Variants in LCA5 observed in about 807,000 individuals in gnomAD.
LCA5 encodes lebercilin.
LCA5 carries 37 observed loss-of-function variants against 53.0 expected under a neutral mutation model. The ratio of observed to expected loss-of-function variants is 0.70; its 90% CI spans 0.54 to 0.92. The LOEUF (loss-of-function observed/expected upper bound fraction) is 0.92, where lower values mean the gene tolerates loss of function less well. Among genes scored for constraint, LCA5 ranks in the 40% least tolerant of loss-of-function variants. LCA5 has a pLI of 0.00. For missense variants in LCA5, 806 were observed against 790.5 expected (o/e 1.02, Z -0.23); for synonymous variants, 303 against 282.9 (o/e 1.07, Z -0.71).
chr6:79,527,350 A>AT (rs1253923367), intron 1 of LCA5, among the ~76,000 whole-genome samples: 1 of 152,210 alleles, frequency 6.6e-6, no homozygotes, highest in African/African-American at 2.4e-5. Context: ...ATGGGCTACT[A>AT]TACAAAAAGC....
intron 2 of LCA5, among the ~76,000 whole-genome samples, chr6:79,515,901 C>T (rs914249014): frequency 6.6e-6 from 1 of 151,958 alleles, no homozygotes; most frequent in Non-Finnish European, 1.5e-5. Flanking sequence ...TTAATTATTG[C>T]AACTTTGAAA....
At chr6:79,522,730 A>G (rs1370885674) in intron 1 of LCA5, among the ~76,000 whole-genome samples, 1 of 152,130 alleles carries the variant, frequency 6.6e-6, no homozygotes, top group Non-Finnish European at 1.5e-5. Flanking sequence ...TCTGTTGCCT[A>G]GACTGGAGTG....
intron 1 of LCA5, among the ~76,000 whole-genome samples, chr6:79,535,076 C>T (rs1767071537): frequency 6.6e-6 from 1 of 152,062 alleles, no homozygotes; most frequent in Non-Finnish European, 1.5e-5. Flanking sequence ...CTTAAAAATA[C>T]ATTAAAATTT....
chr6:79,517,433 G>A (rs560843684), intron 2 of LCA5, among the ~76,000 whole-genome samples: 1 of 151,994 alleles, frequency 6.6e-6, no homozygotes, highest in Admixed American at 6.6e-5. Flanking sequence ...GAGACTAACA[G>A]GCATTTTCTA....
At chr6:79,519,452 T>C (rs982449782) in intron 1 of LCA5, among the ~76,000 whole-genome samples, 3 of 152,064 alleles carry the variant, frequency 2.0e-5, no homozygotes, top group African/African-American at 7.2e-5. Flanking sequence ...GTAGTGGTGA[T>C]AGTAAAGAAC....
chr6:79,529,089 G>A (rs1399666040), intron 1 of LCA5, among the ~76,000 whole-genome samples: 1 of 152,152 alleles, frequency 6.6e-6, no homozygotes, highest in African/African-American at 2.4e-5. Flanking sequence ...TAACAGCAGT[G>A]GGATGTTGTA....
chr6:79,537,871 C>G (rs536734931), upstream of LCA5, among the ~76,000 whole-genome samples: 4 of 152,094 alleles, frequency 2.6e-5, no homozygotes, highest in South Asian at 8.3e-4. Context: ...ATGGCTGATT[C>G]AGGAGGATGC....
chr6:79,513,910 T>A (rs189955275), intron 2 of LCA5, among the ~76,000 whole-genome samples, 169 bp from the exon 3 acceptor site: 19 of 152,284 alleles, frequency 1.2e-4, no homozygotes, highest in African/African-American at 4.1e-4. Flanking sequence ...TCTAAATAGG[T>A]TTCTATTAAG....
chr6:79,524,654 G>C (rs1464156646), intron 1 of LCA5, among the ~76,000 whole-genome samples: 3 of 151,968 alleles, frequency 2.0e-5, no homozygotes, highest in Non-Finnish European at 2.9e-5. Flanking sequence ...AATTCCCTTA[G>C]GGAATTTACA....
At chr6:79,507,952 T>C (rs935894514) in intron 3 of LCA5, among the ~76,000 whole-genome samples, 16 of 152,168 alleles carry the variant, frequency 1.1e-4, no homozygotes, top group African/African-American at 2.9e-4. Flanking sequence ...TTTTTCAGAC[T>C]CTTGAACCTG....
chr6:79,504,411 T>G (rs1770222767), intron 3 of LCA5, among the ~76,000 whole-genome samples: 1 of 152,152 alleles, frequency 6.6e-6, no homozygotes, highest in Non-Finnish European at 1.5e-5. Flanking sequence ...AGGTTCAGAG[T>G]GACTCCAAGG....
Position 79,519,000 on chromosome 6 carries a change from T to C in LCA5, c.-106A>G. On this transcript the variant is annotated 5_prime_UTR_variant, in exon 2 of 8. In the 5' UTR this introduces an upstream ATG that the reference lacks. Transcript: ENST00000369846. ...TTTCACAGTCTTCAGATCCTGATAA[T>C]ATTCATTTCTGTGCAATCTATTTTC... is the stretch of plus-strand genomic sequence containing the variant. 2 of 1,066,908 alleles carry C rather than the reference T, an allele frequency of 1.9e-6. No individual in the cohort carries two copies. The highest frequency in any genetic ancestry group is 2.9e-6 in the Non-Finnish European group (2 of 687,710). The allele number at this position is 1,066,908 out of a possible 1,614,324, so 66.1% of individuals were successfully genotyped here. A position where few individuals can be genotyped will look rare whatever the true frequency, so the allele number is the denominator to read the frequency against.
In LCA5 at chr6:79,487,757, T is replaced by A; in HGVS notation, c.1341A>T (p.Pro447=). The change falls in exon 8 of 8, where the codon CCA becomes CCT. Residue 447 remains proline (P), a synonymous_variant. Transcript: ENST00000369846. ...ETGRYQLGMY[P]IQNMDKLQGE... ...CTTGCAATTTATCCATATTCTGAAT[T>A]GGATACATTCCTAGTTGGTACCTTC... 1 of 1,613,904 alleles carries A rather than the reference T, an allele frequency of 6.2e-7. No individual in the cohort carries two copies. Among genetic ancestry groups the A allele is most frequent in the South Asian group, 1.1e-5 (1 of 91,066 alleles).
At chr6:79,529,017 T>TA (rs1179376844) in intron 1 of LCA5, among the ~76,000 whole-genome samples, 4 of 152,170 alleles carry the variant, frequency 2.6e-5, no homozygotes, top group Non-Finnish European at 4.4e-5. Context: ...AAAGTTGGTT[T>TA]AAAAAATGGA....
At chr6:79,521,869 G>A (rs1024421834) in intron 1 of LCA5, among the ~76,000 whole-genome samples, 4 of 152,266 alleles carry the variant, frequency 2.6e-5, no homozygotes, top group South Asian at 2.1e-4. Flanking sequence ...AAGCAAGGAC[G>A]CTATCAGATA....
upstream of LCA5, among the ~76,000 whole-genome samples, chr6:79,538,069 G>A (rs991404107): frequency 2.8e-5 from 3 of 108,832 alleles, no homozygotes; most frequent in Admixed American, 3.5e-4. Context: ...AACGTTTTGA[G>A]GAGCATGTCA....
chr6:79,495,941 A>G (rs62411333), intron 3 of LCA5, among the ~76,000 whole-genome samples: 3,955 of 152,266 alleles, frequency 0.026, 61 homozygotes, highest in Middle Eastern at 0.071. Flanking sequence ...GTGGTCAACT[A>G]TATATTACCT....
At chr6:79,509,769 G>A (rs934463673) in intron 3 of LCA5, among the ~76,000 whole-genome samples, 1 of 151,962 alleles carries the variant, frequency 6.6e-6, no homozygotes, top group African/African-American at 2.4e-5. Context: ...TTGCTCCAAA[G>A]GAAATAAAAT....
At chr6:79,518,631 C>A in intron 2 of LCA5, 74 bp downstream of exon 2, 2 of 1,316,912 alleles carry the variant, frequency 1.5e-6, no homozygotes, top group South Asian at 1.2e-5. Flanking sequence ...AAAAGAGTAT[C>A]ATGCACACAC....
Sources: allele counts gnomAD v4.1 joint callset (sites outside exome capture counted in the v4.1 genomes callset), GRCh38; gene constraint gnomAD v4.1.1; transcripts MANE v1.5; gene names NCBI Gene and HGNC (gene_info 2026-07-23, HGNC 2026-07-21).